Variants in ARHGAP24 observed in about 807,000 individuals in gnomAD.
ARHGAP24 encodes the protein Rho GTPase activating protein 24, also known as rho GTPase-activating protein 24.
In ARHGAP24, 50 loss-of-function variants were observed where a neutral mutation model predicts 76.4. The ratio of observed to expected loss-of-function variants is 0.65; its 90% confidence interval spans 0.52 to 0.83. The LOEUF is 0.83. Among genes scored for constraint, ARHGAP24 ranks in the 40% least tolerant of loss-of-function variants. The probability of loss-of-function intolerance (pLI) is 0.00; values close to 1 mark genes in which losing one functional copy is unlikely to be tolerated. For missense variants in ARHGAP24, 930 were observed against 914.2 expected (o/e 1.02, Z -0.22); for synonymous variants, 345 against 323.3 (o/e 1.07, Z -0.72).
At chr4:85,894,099 T>TTAAA (rs71936795) in intron 3 of ARHGAP24, among the ~76,000 whole-genome samples, 53 of 131,352 alleles carry the variant, frequency 4.0e-4, no homozygotes, top group Non-Finnish European at 5.8e-4. Context: ...TAGAGTATAA[T>TTAAA]AAAAAAAAAA....
chr4:85,550,260 C>T (rs1398224759), intron 1 of ARHGAP24, among the ~76,000 whole-genome samples: 1 of 152,230 alleles, frequency 6.6e-6, no homozygotes, highest in African/African-American at 2.4e-5. Context: ...CAATCTTCTG[C>T]ATATGGCTAG....
intron 2 of ARHGAP24, among the ~76,000 whole-genome samples, chr4:85,600,588 T>C (rs1719999291): frequency 6.6e-6 from 1 of 152,224 alleles, no homozygotes; most frequent in African/African-American, 2.4e-5. Flanking sequence ...AGAGAAATCA[T>C]GTATCTTCCT....
intron 1 of ARHGAP24, among the ~76,000 whole-genome samples, chr4:85,546,907 A>G (rs1174931871): frequency 6.6e-6 from 1 of 152,164 alleles, no homozygotes; most frequent in Non-Finnish European, 1.5e-5. Flanking sequence ...TTATTCTATT[A>G]ATATGTCTCT....
intron 3 of ARHGAP24, among the ~76,000 whole-genome samples, chr4:85,734,040 A>C (rs1173556125): frequency 1.3e-5 from 2 of 152,154 alleles, no homozygotes; most frequent in Non-Finnish European, 2.9e-5. Flanking sequence ...CCTACTCCTC[A>C]AAGAAAGAAG....
At chr4:85,995,709 A>G in intron 9 of ARHGAP24, 52 bp downstream of exon 9, 2 of 1,537,208 alleles carry the variant, frequency 1.3e-6, no homozygotes, top group Non-Finnish European at 1.8e-6. Context: ...GTAGCCTCCT[A>G]CTGTGGGACA....
intron 1 of ARHGAP24, among the ~76,000 whole-genome samples, chr4:85,498,613 C>T (rs1723676019): frequency 6.6e-6 from 1 of 152,140 alleles, no homozygotes. Context: ...CCCGTGTAGT[C>T]ATCTTAGCCA....
intron 2 of ARHGAP24, among the ~76,000 whole-genome samples, chr4:85,674,297 G>C (rs1013224626): frequency 6.6e-6 from 1 of 152,106 alleles, no homozygotes; most frequent in East Asian, 1.9e-4. Context: ...CTAGTTAAAA[G>C]GGAAAAAAGT....
intron 3 of ARHGAP24, among the ~76,000 whole-genome samples, chr4:85,883,514 G>T (rs927705502): frequency 1.3e-5 from 2 of 152,154 alleles, no homozygotes; most frequent in African/African-American, 4.8e-5. Context: ...AGGGACCAGA[G>T]AGTCATCCAG....
chr4:85,706,790 T>C (rs1220511327), intron 2 of ARHGAP24, among the ~76,000 whole-genome samples: 2 of 152,126 alleles, frequency 1.3e-5, no homozygotes, highest in Non-Finnish European at 2.9e-5. Flanking sequence ...GGTCTCAAAC[T>C]CCTGACCTCG....
intron 2 of ARHGAP24, among the ~76,000 whole-genome samples, chr4:85,662,305 T>G (rs1485094029): frequency 1.3e-5 from 2 of 151,906 alleles, no homozygotes; most frequent in Non-Finnish European, 2.9e-5. Context: ...TTTGGCTGCA[T>G]AAATGTCTTC....
At chr4:85,702,880 T>C (rs901015612) in intron 2 of ARHGAP24, among the ~76,000 whole-genome samples, 6 of 149,504 alleles carry the variant, frequency 4.0e-5, no homozygotes, top group Non-Finnish European at 8.9e-5. Flanking sequence ...CATGAAGGGG[T>C]CTGAGAAATA....
chr4:85,843,525 C>A (rs1392583753), intron 3 of ARHGAP24, among the ~76,000 whole-genome samples: 1 of 151,644 alleles, frequency 6.6e-6, no homozygotes, highest in African/African-American at 2.4e-5. Flanking sequence ...AATAATGTAT[C>A]ACAAATATGA....
At chr4:85,668,123 A>G (rs866891220) in intron 2 of ARHGAP24, among the ~76,000 whole-genome samples, 1 of 152,192 alleles carries the variant, frequency 6.6e-6, no homozygotes, top group Non-Finnish European at 1.5e-5. Flanking sequence ...AGGCTGAAAA[A>G]CAAGAAACAG....
intron 1 of ARHGAP24, among the ~76,000 whole-genome samples, chr4:85,527,901 C>A (rs1052355096): frequency 6.6e-6 from 1 of 152,066 alleles, no homozygotes; most frequent in Non-Finnish European, 1.5e-5. Context: ...TAATTTCTTC[C>A]TCTGATTTCC....
chr4:85,751,330 C>G (rs1034940341), intron 3 of ARHGAP24, among the ~76,000 whole-genome samples: 2 of 152,074 alleles, frequency 1.3e-5, no homozygotes, highest in African/African-American at 4.8e-5. Context: ...GGTATTTAGG[C>G]ATTATGCAGT....
At chr4:85,685,651 A>AAGAAAAGAAAAGAAAAGAAAAGAAC (rs1723395319) in intron 2 of ARHGAP24, among the ~76,000 whole-genome samples, 1 of 150,440 alleles carries the variant, frequency 6.6e-6, no homozygotes, top group African/African-American at 2.5e-5. Flanking sequence ...AAAAAAAGAA[A>AAGAAAAGAAAAGAAAAGAAAAGAAC]AGAAAAAGAA....
chr4:85,844,160 T>C (rs903154790), intron 3 of ARHGAP24, among the ~76,000 whole-genome samples: 2 of 152,210 alleles, frequency 1.3e-5, no homozygotes, highest in African/African-American at 4.8e-5. Flanking sequence ...ACTGTTATTA[T>C]ACATCATGAT....
chr4:85,576,139 T>G (rs1350095827), intron 2 of ARHGAP24, among the ~76,000 whole-genome samples: 2 of 152,142 alleles, frequency 1.3e-5, no homozygotes, highest in Non-Finnish European at 2.9e-5. Flanking sequence ...GATTTAAGAG[T>G]AAGCTCTAGG....
rs1467633305 is a variant in ARHGAP24 at position 85,972,116 on chromosome 4, A to G, written c.680A>G (p.Lys227Arg). The change falls in exon 6 of 10, where the codon AAG becomes AGG. Residue 227 changes from lysine (K) to arginine (R), a missense_variant. Physicochemically the swap from Lys to Arg is conservative, Grantham distance 26. Transcript: ENST00000395184. ...ELPEPVIPYA[K>R]YEDFLSCAKL... is the part of the protein sequence containing the mutation. ...CCAGAACCAGTTATTCCTTATGCGA[A>G]GTATGAAGATTTTTTGTCATGTGCC... 2 of 1,613,734 alleles carry G rather than the reference A, an allele frequency of 1.2e-6. No individual in the cohort carries two copies. The highest frequency in any genetic ancestry group is 1.7e-6 in the Non-Finnish European group (2 of 1,179,962).
Sources: gnomAD v4.1 joint callset for allele counts (sites outside exome capture counted in the v4.1 genomes callset) on GRCh38, gnomAD v4.1.1 for gene constraint, MANE v1.5 for transcripts, NCBI Gene and HGNC (gene_info 2026-07-23, HGNC 2026-07-21) for gene names.